DNAH9: variants seen among roughly 807,000 people sequenced by gnomAD.
DNAH9 encodes the protein DNAH9 variant protein.
DNAH9 carries 345 observed loss-of-function variants against 471.6 expected under a neutral mutation model. The observed-to-expected ratio is 0.73, with a 90% CI of 0.67 to 0.80. The LOEUF (loss-of-function observed/expected upper bound fraction) is 0.80, where lower values mean the gene tolerates loss of function less well. DNAH9 is among the 30% of genes least tolerant of loss of function. The pLI, the probability that DNAH9 is intolerant of heterozygous loss-of-function variation, is 0.00. For missense variants in DNAH9, 5,407 were observed against 5,609.2 expected (o/e 0.96, Z 1.15); for synonymous variants, 2,093 against 2,123.6 (o/e 0.99, Z 0.40).
At chr17:11,928,410 G>A (rs575534172) in intron 62 of DNAH9, among the ~76,000 whole-genome samples, 34 of 152,336 alleles carry the variant, frequency 2.2e-4, no homozygotes, top group Admixed American at 1.0e-3. Flanking sequence ...CAAGTGCTGG[G>A]CTCAGCTCTG....
intron 67 of DNAH9, among the ~76,000 whole-genome samples, chr17:11,947,629 T>G (rs1975177092): frequency 6.6e-6 from 1 of 152,136 alleles, no homozygotes. Context: ...CCTGTTTGGT[T>G]TTTTACTTTT....
At chr17:11,625,767 C>G (rs893954202) in intron 6 of DNAH9, among the ~76,000 whole-genome samples, 5 of 152,188 alleles carry the variant, frequency 3.3e-5, no homozygotes, top group Non-Finnish European at 5.9e-5. Context: ...CCTGATCAGT[C>G]CAGTAAGCGG....
At chr17:11,964,254 A>G (rs889505277) in intron 68 of DNAH9, among the ~76,000 whole-genome samples, 16 of 152,170 alleles carry the variant, frequency 1.1e-4, no homozygotes, top group African/African-American at 3.6e-4. Flanking sequence ...TATGGATTGC[A>G]TTAGGTATAA....
intron 6 of DNAH9, among the ~76,000 whole-genome samples, chr17:11,620,564 C>T (rs2150657682): frequency 6.6e-6 from 1 of 151,218 alleles, no homozygotes; most frequent in African/African-American, 2.4e-5. Context: ...TTGGATTGAC[C>T]ATCACATCAC....
chr17:11,824,668 TTTAA>T (rs1420010556), intron 48 of DNAH9, among the ~76,000 whole-genome samples: 3 of 152,342 alleles, frequency 2.0e-5, no homozygotes, highest in East Asian at 1.9e-4. Context: ...CAATAAAGAC[TTTAA>T]TTATGCCATT....
At chr17:11,700,731 T>C (rs969363431) in intron 23 of DNAH9, among the ~76,000 whole-genome samples, 1 of 152,196 alleles carries the variant, frequency 6.6e-6, no homozygotes, top group African/African-American at 2.4e-5. Context: ...CAGAAAGCAT[T>C]GAGCTGGGGA....
At chr17:11,729,359 G>A (rs2075218224) in intron 28 of DNAH9, among the ~76,000 whole-genome samples, 1 of 152,156 alleles carries the variant, frequency 6.6e-6, no homozygotes, top group Non-Finnish European at 1.5e-5. Flanking sequence ...ACAGAGCAAA[G>A]CAATCACAAG....
chr17:11,923,083 G>T (rs62061976), intron 61 of DNAH9, among the ~76,000 whole-genome samples: 1 of 151,092 alleles, frequency 6.6e-6, no homozygotes, highest in South Asian at 2.1e-4. Flanking sequence ...TTTTTGTTTT[G>T]TTTTGTTTTG....
intron 7 of DNAH9, among the ~76,000 whole-genome samples, chr17:11,630,758 C>CA (rs1400388110): frequency 2.0e-5 from 3 of 152,020 alleles, no homozygotes; most frequent in African/African-American, 7.3e-5. Context: ...TGAAATTCGC[C>CA]AAAAGGGTAG....
chr17:11,845,078 A>C (rs139553307), intron 49 of DNAH9, among the ~76,000 whole-genome samples: 2,275 of 150,574 alleles, frequency 0.015, 53 homozygotes, highest in African/African-American at 0.053. Flanking sequence ...ATATGTATAC[A>C]TGTGCCATGC....
In DNAH9 at chr17:11,942,380, G is replaced by A. The variant is rs758129506; in HGVS notation, c.12738G>A (p.Glu4246=). 1 of 1,614,216 alleles carries A rather than the reference G, an allele frequency of 6.2e-7. No individual in the cohort carries two copies. The highest frequency in any genetic ancestry group is 8.5e-7 in the Non-Finnish European group (1 of 1,180,022). ...TCCCAGAACTGATGGCCAAAGTGGAGGAGCGCACCCCTTACATTGTAGTTG... is the reference window on the plus strand; with the variant it reads ...TCCCAGAACTGATGGCCAAAGTGGAAGAGCGCACCCCTTACATTGTAGTTG... ...FNIPELMAKV[E]ERTPYIVVAF... The change falls in exon 67 of 69, where the codon GAG becomes GAA. Residue 4246 remains glutamate, a synonymous_variant. Coordinates refer to ENST00000262442, the MANE Select transcript of DNAH9 (RefSeq NM_001372.4).
At chr17:11,851,712 CTCA>C (rs1381017447) in intron 49 of DNAH9, among the ~76,000 whole-genome samples, 4 of 152,156 alleles carry the variant, frequency 2.6e-5, no homozygotes, top group African/African-American at 9.7e-5. Flanking sequence ...TGGGATTCCA[CTCA>C]TCATACTGCC....
intron 61 of DNAH9, among the ~76,000 whole-genome samples, chr17:11,913,398 A>G (rs551235721): frequency 6.6e-5 from 10 of 152,100 alleles, no homozygotes; most frequent in Non-Finnish European, 1.0e-4. Flanking sequence ...TAAGTTATAT[A>G]ACTTGTTGAT....
At chr17:11,663,803 A>G (rs987735205) in intron 14 of DNAH9, among the ~76,000 whole-genome samples, 1 of 152,244 alleles carries the variant, frequency 6.6e-6, no homozygotes, top group Non-Finnish European at 1.5e-5. Flanking sequence ...AAGCATACAC[A>G]TCTTAATACC....
At chr17:11,692,696 T>C (rs908096147) in intron 20 of DNAH9, among the ~76,000 whole-genome samples, 1 of 152,038 alleles carries the variant, frequency 6.6e-6, no homozygotes, top group Non-Finnish European at 1.5e-5. Flanking sequence ...TTTTCTCTCA[T>C]TCTTCCATGA....
intron 49 of DNAH9, among the ~76,000 whole-genome samples, chr17:11,843,881 A>ATATATATATATATATATG (rs1971121097): frequency 7.4e-6 from 1 of 134,230 alleles, no homozygotes; most frequent in Non-Finnish European, 1.6e-5. Context: ...ATATATATAT[A>ATATATATATATATATATG]TATATATATA....
rs747237009 is a variant in DNAH9 at position 11,942,489 on chromosome 17, A to G, written c.12843+4A>G. 1.2e-6 allele frequency: 2 copies of G among 1,612,464 alleles called. No individual in the cohort carries two copies. The highest frequency in any genetic ancestry group is 1.7e-6 in the Non-Finnish European group (2 of 1,179,222). ...GGAGCTGGAGCTCGGCTTAAAGGTG[A>G]GCGCGGTCTTGTAAGGCATGGAGGG... On this transcript the variant is annotated splice_donor_region_variant and intron_variant, in intron 67 of 68. Transcript: ENST00000262442.
At chr17:11,751,179 TGAGTAAACTA>T (rs1348949458) in intron 32 of DNAH9, among the ~76,000 whole-genome samples, 1 of 151,726 alleles carries the variant, frequency 6.6e-6, no homozygotes, top group African/African-American at 2.4e-5. Flanking sequence ...GTAGAAAAAT[TGAGTAAACTA>T]GTGAAAAGAA....
chr17:11,805,124 G>T (rs1473982309), intron 43 of DNAH9, among the ~76,000 whole-genome samples: 1 of 152,066 alleles, frequency 6.6e-6, no homozygotes, highest in Non-Finnish European at 1.5e-5. Flanking sequence ...CACACTGCTA[G>T]CAAGATTTCA....
Sources: allele counts gnomAD v4.1 joint callset (sites outside exome capture counted in the v4.1 genomes callset), GRCh38; gene constraint gnomAD v4.1.1; transcripts MANE v1.5; gene names NCBI Gene and HGNC (gene_info 2026-07-23, HGNC 2026-07-21).